The following GRM7 variants were observed in gnomAD, a reference collection of about 807,000 sequenced individuals.
GRM7 encodes glutamate metabotropic receptor 7.
A neutral mutation model predicts 84.5 loss-of-function variants in GRM7; 35 were observed. That is an observed-to-expected ratio of 0.41 (90% CI 0.32 to 0.55). The LOEUF (loss-of-function observed/expected upper bound fraction) is 0.55. Among genes scored for constraint, GRM7 ranks in the 20% least tolerant of loss-of-function variants. GRM7 has a pLI of 0.19. For missense variants in GRM7, 1,003 were observed against 1,194.6 expected, an observed-to-expected ratio of 0.84 and a Z score of 2.36; for synonymous variants, 487 against 455.1, an observed-to-expected ratio of 1.07 and a Z score of -0.89.
At chr3:7,733,806 C>T (rs904384251) in intron 9 of GRM7, among the ~76,000 whole-genome samples, 1 of 152,142 alleles carries the variant, frequency 6.6e-6, no homozygotes, top group Non-Finnish European at 1.5e-5. Context: ...GTCTGACCCT[C>T]CTCTCCACGC....
At chr3:7,101,392 A>G (rs1574905532) in intron 1 of GRM7, among the ~76,000 whole-genome samples, 1 of 151,752 alleles carries the variant, frequency 6.6e-6, no homozygotes. Flanking sequence ...TGATTGTCGT[A>G]TATCAATATA....
At chr3:7,101,192 T>C (rs1038620196) in intron 1 of GRM7, among the ~76,000 whole-genome samples, 1 of 151,796 alleles carries the variant, frequency 6.6e-6, no homozygotes. Context: ...TTATTCAAAA[T>C]AGTTGTACCA....
At chr3:7,034,509 A>G (rs900450609) in intron 1 of GRM7, among the ~76,000 whole-genome samples, 4 of 152,244 alleles carry the variant, frequency 2.6e-5, no homozygotes, top group African/African-American at 9.6e-5. Flanking sequence ...AATTTCATAC[A>G]TATGTTTGTG....
At chr3:7,430,533 A>G (rs73810645) in intron 5 of GRM7, among the ~76,000 whole-genome samples, 4,680 of 152,338 alleles carry the variant, frequency 0.031, 248 homozygotes, top group African/African-American at 0.11. Context: ...TGTAAATGCT[A>G]TAAGTACTTT....
chr3:7,325,365 A>G (rs1346665255), intron 4 of GRM7, among the ~76,000 whole-genome samples: 1 of 152,224 alleles, frequency 6.6e-6, no homozygotes. Context: ...AAATGTTTGC[A>G]TTTACTGAAT....
chr3:7,491,959 C>T (rs1292132088), intron 7 of GRM7, among the ~76,000 whole-genome samples: 3 of 152,092 alleles, frequency 2.0e-5, no homozygotes, highest in African/African-American at 4.8e-5. Context: ...CAAGGAGTGA[C>T]GATGAAATCA....
chr3:6,910,648 G>A lies in GRM7; in HGVS notation c.519+48741G>A, dbSNP rs144307362. Among the ~76,000 whole-genome samples the A allele has an allele frequency of 1.1e-3, 161 of 152,228 alleles. 2 individuals carry two copies. Among genetic ancestry groups the A allele is most frequent in the Middle Eastern group, 3.4e-3 (1 of 294 alleles). The stretch of plus-strand genomic sequence containing the variant: ...ACACATGTAGGCCTGGCTACATGGA[G>A]GCTGAGGCAAGAGAATTGCTTGAGG... On this transcript the variant is annotated intron_variant, in intron 1 of 9. Coordinates refer to ENST00000357716, the MANE Select transcript of GRM7 (RefSeq NM_000844.4).
intron 2 of GRM7, among the ~76,000 whole-genome samples, chr3:7,251,574 G>A (rs953126598): frequency 3.3e-5 from 5 of 152,092 alleles, no homozygotes; most frequent in African/African-American, 9.7e-5. Flanking sequence ...ACTATGTTGG[G>A]CTATTATGAT....
At chr3:7,571,149 G>A (rs775096360) in intron 7 of GRM7, among the ~76,000 whole-genome samples, 1 of 152,172 alleles carries the variant, frequency 6.6e-6, no homozygotes, top group Non-Finnish European at 1.5e-5. Flanking sequence ...GGTCTGCCAA[G>A]AAGACCTCTG....
intron 1 of GRM7, among the ~76,000 whole-genome samples, chr3:6,950,069 C>G (rs933338729): frequency 6.6e-6 from 1 of 152,194 alleles, no homozygotes; most frequent in African/African-American, 2.4e-5. Flanking sequence ...CAAAGTCATT[C>G]TCCATCTAGC....
chr3:7,198,361 G>T (rs975242847), intron 2 of GRM7, among the ~76,000 whole-genome samples: 1 of 152,126 alleles, frequency 6.6e-6, no homozygotes, highest in Non-Finnish European at 1.5e-5. Context: ...AGAATTCAGT[G>T]TGATTACTTT....
At chr3:7,616,970 G>T (rs1272290248) in intron 8 of GRM7, among the ~76,000 whole-genome samples, 3 of 152,094 alleles carry the variant, frequency 2.0e-5, no homozygotes, top group Non-Finnish European at 4.4e-5. Context: ...CCGGGAAGAA[G>T]AAAATAATAA....
chr3:7,713,795 C>CTTTTTT (rs60007117), intron 9 of GRM7, among the ~76,000 whole-genome samples: 4 of 64,742 alleles, frequency 6.2e-5, no homozygotes, highest in Non-Finnish European at 1.2e-4. Flanking sequence ...CGGATGCTTT[C>CTTTTTT]TTTTTTTTTT....
At chr3:7,454,748 TG>T (rs1697931788) in intron 6 of GRM7, among the ~76,000 whole-genome samples, 1 of 152,088 alleles carries the variant, frequency 6.6e-6, no homozygotes, top group African/African-American at 2.4e-5. Flanking sequence ...GAATGAACCC[TG>T]TTGTGTTGGA....
At chr3:7,682,419 T>G (rs1700414207) in intron 9 of GRM7, 1 of 151,890 alleles carries the variant, frequency 6.6e-6, no homozygotes, top group African/African-American at 2.4e-5. Flanking sequence ...TACCTATACC[T>G]GTATTGATAA....
At chr3:7,317,125 A>G (rs549409739) in intron 4 of GRM7, among the ~76,000 whole-genome samples, 2 of 152,290 alleles carry the variant, frequency 1.3e-5, no homozygotes, top group African/African-American at 2.4e-5. Context: ...CAATTTGACA[A>G]TGTCTCTACA....
intron 1 of GRM7, among the ~76,000 whole-genome samples, chr3:6,875,455 G>C (rs1695268865): frequency 6.6e-6 from 1 of 152,100 alleles, no homozygotes; most frequent in African/African-American, 2.4e-5. Context: ...TTATAAACGA[G>C]AGTTCCCCTG....
At chr3:6,963,222 C>T (rs1166267136) in intron 1 of GRM7, among the ~76,000 whole-genome samples, 1 of 152,120 alleles carries the variant, frequency 6.6e-6, no homozygotes, top group Non-Finnish European at 1.5e-5. Context: ...AAATTATTTG[C>T]CAAAATAGAA....
At chr3:7,560,141 C>T (rs1163154403) in intron 7 of GRM7, 1 of 152,030 alleles carries the variant, frequency 6.6e-6, no homozygotes, top group Non-Finnish European at 1.5e-5. Context: ...AATTGTGAGA[C>T]ACAGGCAAAG....
Sources: allele counts gnomAD v4.1 joint callset (sites outside exome capture counted in the v4.1 genomes callset), GRCh38; gene constraint gnomAD v4.1.1; transcripts MANE v1.5; gene names NCBI Gene and HGNC (gene_info 2026-07-23, HGNC 2026-07-21).